Variants in PRKCE observed in about 807,000 individuals in gnomAD.
PRKCE encodes protein kinase C epsilon.
In PRKCE, 16 loss-of-function variants were observed where a neutral mutation model predicts 85.4. The observed-to-expected ratio is 0.19, with a 90% CI of 0.13 to 0.28. The LOEUF (loss-of-function observed/expected upper bound fraction) is 0.28. PRKCE is among the 10% of genes least tolerant of loss of function. PRKCE has a pLI of 1.00. For synonymous variants in PRKCE, 388 were observed against 371.5 expected, an observed-to-expected ratio of 1.04 and a Z score of -0.51; for missense variants, 573 against 975.2, an observed-to-expected ratio of 0.59 and a Z score of 5.49.
chr2:45,673,904 G>C (rs1438983078), intron 1 of PRKCE, among the ~76,000 whole-genome samples: 1 of 152,182 alleles, frequency 6.6e-6, no homozygotes, highest in African/African-American at 2.4e-5. Context: ...GCTGAGGACA[G>C]AGACCCACTC....
intron 1 of PRKCE, among the ~76,000 whole-genome samples, chr2:45,730,455 ATTTTTTT>A (rs56947431): frequency 7.8e-6 from 1 of 128,546 alleles, no homozygotes; most frequent in Non-Finnish European, 1.7e-5. Context: ...ACCAGTTGTA[ATTTTTTT>A]TTTTTTTTTT....
At chr2:45,867,660 G>T (rs1693716493) in intron 2 of PRKCE, among the ~76,000 whole-genome samples, 2 of 152,098 alleles carry the variant, frequency 1.3e-5, no homozygotes, top group African/African-American at 4.8e-5. Flanking sequence ...TTCATCAGAG[G>T]TTTTGTTTTC....
Position 46,170,161 on chromosome 2 carries a change from A to G in PRKCE, c.2067+10409A>G, listed in dbSNP as rs141590296. Among the ~76,000 whole-genome samples the G allele has an allele frequency of 8.3e-4, 126 of 152,344 alleles. 1 individual carries two copies. The highest frequency in any genetic ancestry group is 2.9e-3 in the African/African-American group (121 of 41,582). The stretch of plus-strand genomic sequence containing the variant: ...ATACACCCATGTGACCACCAGCACA[A>G]TAAGTATATAGAACACCTCCATCCT... On this transcript the variant is annotated intron_variant, in intron 14 of 14. Coordinates refer to ENST00000306156, the MANE Select transcript of PRKCE (RefSeq NM_005400.3).
In PRKCE at chr2:46,154,216, C is replaced by T. The variant is rs574795007; in HGVS notation, c.1920+2987C>T. On this transcript the variant is annotated intron_variant, in intron 13 of 14. Transcript: ENST00000306156. ...AGGTAGCTCTGGCTGCTGGGGAGAG[C>T]GTGGTCTGGAGGGTGCCTCTCCTGC... 3.9e-5 allele frequency among the ~76,000 whole-genome samples: 6 copies of T among 152,156 alleles called. No homozygotes were observed. The South Asian group carries it at 8.3e-4, about 21-fold the overall frequency.
intron 9 of PRKCE, among the ~76,000 whole-genome samples, chr2:46,008,292 G>A (rs901695243): frequency 1.3e-5 from 2 of 152,246 alleles, no homozygotes; most frequent in African/African-American, 4.8e-5. Flanking sequence ...AGTGGTGTGG[G>A]GTGTGGCCTT....
At chr2:45,688,010 C>G (rs1181900578) in intron 1 of PRKCE, among the ~76,000 whole-genome samples, 2 of 152,218 alleles carry the variant, frequency 1.3e-5, no homozygotes, top group Non-Finnish European at 2.9e-5. Context: ...CACTAGGAAT[C>G]TAGCTCTGGC....
chr2:45,962,178 C>T (rs934479752), intron 2 of PRKCE, among the ~76,000 whole-genome samples: 1 of 152,180 alleles, frequency 6.6e-6, no homozygotes, highest in Non-Finnish European at 1.5e-5. Flanking sequence ...CTTGGGCTTT[C>T]CTGAGGTCAG....
chr2:45,736,630 A>G (rs556136433), intron 1 of PRKCE, among the ~76,000 whole-genome samples: 1 of 152,044 alleles, frequency 6.6e-6, no homozygotes, highest in Non-Finnish European at 1.5e-5. Context: ...CTCACTTTCT[A>G]CCATGTGTTG....
chr2:46,058,757 A>T (rs1261772501), intron 10 of PRKCE, among the ~76,000 whole-genome samples: 1 of 152,230 alleles, frequency 6.6e-6, no homozygotes, highest in Non-Finnish European at 1.5e-5. Flanking sequence ...GCACAGTGGC[A>T]TGAACACGGC....
intron 1 of PRKCE, among the ~76,000 whole-genome samples, chr2:45,842,245 G>A (rs1691410844): frequency 6.6e-6 from 1 of 152,190 alleles, no homozygotes; most frequent in African/African-American, 2.4e-5. Flanking sequence ...AAGTGAGGGT[G>A]CCTGTGCTGT....
chr2:45,824,978 C>T (rs6719000), intron 1 of PRKCE, among the ~76,000 whole-genome samples: 5 of 151,982 alleles, frequency 3.3e-5, no homozygotes, highest in Admixed American at 2.0e-4. Context: ...TGGTGGGAAC[C>T]GGGAAAAGGT....
At chr2:45,966,902 C>T (rs1376759367) in intron 2 of PRKCE, among the ~76,000 whole-genome samples, 1 of 152,160 alleles carries the variant, frequency 6.6e-6, no homozygotes, top group Admixed American at 6.5e-5. Context: ...CTCAGTGAGG[C>T]ATTGTTGGCT....
chr2:46,091,715 T>G (rs544048030), intron 11 of PRKCE, among the ~76,000 whole-genome samples: 1 of 152,122 alleles, frequency 6.6e-6, no homozygotes, highest in Non-Finnish European at 1.5e-5. Context: ...TAATTTTAAA[T>G]AAATACCACC....
rs142230107 is a variant in PRKCE, at chr2:45,874,749, T to G, written c.412+31686T>G. On this transcript the variant is annotated intron_variant, in intron 2 of 14. Transcript: ENST00000306156. The stretch of plus-strand genomic sequence containing the variant: ...AGGAGTCCAACAAGATGCAGCCCAC[T>G]GTTTCCAGAGAGGATTCTTGCTTCC... Among the ~76,000 whole-genome samples, 228 of 152,338 alleles carry G rather than the reference T, an allele frequency of 1.5e-3. 1 individual carries two copies. The highest frequency in any genetic ancestry group is 5.4e-3 in the African/African-American group (226 of 41,592).
chr2:46,171,830 C>T (rs62138095), intron 14 of PRKCE, among the ~76,000 whole-genome samples: 3,869 of 152,224 alleles, frequency 0.025, 104 homozygotes, highest in Non-Finnish European at 0.04. Context: ...AAGGCAGATG[C>T]GCATGTGGAG....
chr2:45,797,667 C>A (rs1399569711), intron 1 of PRKCE, among the ~76,000 whole-genome samples: 5 of 152,236 alleles, frequency 3.3e-5, no homozygotes, highest in Non-Finnish European at 7.3e-5. Context: ...GCTGTTGGGG[C>A]AACAGCACTA....
rs562540197 is a variant in PRKCE at position 45,804,109 on chromosome 2, A to C, written c.349-38891A>C. On this transcript the variant is annotated intron_variant, in intron 1 of 14. Transcript: ENST00000306156. Reference sequence around the variant, plus strand: ...GGCCCATCACCACCTCTACAGCACCAGTTGAGTGTCTTGCCTGCCAGGAGT... The same window carrying C: ...GGCCCATCACCACCTCTACAGCACCCGTTGAGTGTCTTGCCTGCCAGGAGT... Among the ~76,000 whole-genome samples the C allele has an allele frequency of 1.7e-4, 26 of 152,304 alleles. No homozygotes were observed. In the South Asian group the frequency reaches 5.4e-3, roughly 32 times the overall value.
At chr2:45,916,400 T>C (rs1697782054) in intron 2 of PRKCE, among the ~76,000 whole-genome samples, 1 of 151,982 alleles carries the variant, frequency 6.6e-6, no homozygotes, top group Admixed American at 6.6e-5. Flanking sequence ...CCACCACACC[T>C]GGCTAATTAA....
intron 2 of PRKCE, among the ~76,000 whole-genome samples, chr2:45,945,049 CA>C (rs1700151786): frequency 6.6e-6 from 1 of 151,980 alleles, no homozygotes; most frequent in Admixed American, 6.6e-5. Context: ...CTTCCATTGC[CA>C]AAACTTTCTC....
Sources: allele counts gnomAD v4.1 joint callset (sites outside exome capture counted in the v4.1 genomes callset), GRCh38; gene constraint gnomAD v4.1.1; transcripts MANE v1.5; gene names NCBI Gene and HGNC (gene_info 2026-07-23, HGNC 2026-07-21).